The following TBX15 variants were observed in gnomAD, a reference collection of about 807,000 sequenced individuals.
TBX15 encodes the protein T-box transcription factor TBX15.
In TBX15, 18 loss-of-function variants were observed where a neutral mutation model predicts 53.9. That is an observed-to-expected ratio of 0.33 (90% CI 0.23 to 0.49). The LOEUF is 0.49. TBX15 is among the 20% of genes least tolerant of loss of function. TBX15 has a pLI of 0.98. For synonymous variants in TBX15, 295 were observed against 278.0 expected, an observed-to-expected ratio of 1.06 and a Z score of -0.61; for missense variants, 692 against 749.5, an observed-to-expected ratio of 0.92 and a Z score of 0.90.
chr1:118,932,878 T>C (rs923968031), intron 1 of TBX15, among the ~76,000 whole-genome samples: 1 of 152,162 alleles, frequency 6.6e-6, no homozygotes, highest in Non-Finnish European at 1.5e-5. Context: ...ATGCTGCAAG[T>C]CAAGCCTAAG....
intron 1 of TBX15, among the ~76,000 whole-genome samples, chr1:118,938,246 G>A (rs939976821): frequency 6.6e-6 from 1 of 152,148 alleles, no homozygotes; most frequent in African/African-American, 2.4e-5. Flanking sequence ...TGGTGTCTCT[G>A]AGCTCTCCAT....
At chr1:118,909,659 T>C (rs1654966101) in intron 6 of TBX15, among the ~76,000 whole-genome samples, 1 of 152,230 alleles carries the variant, frequency 6.6e-6, no homozygotes, top group African/African-American at 2.4e-5. Context: ...TTCGGCTCAC[T>C]GCAACCTCCA....
intron 6 of TBX15, chr1:118,901,362 C>T (rs1328645619): frequency 4.4e-6 from 2 of 456,480 alleles, no homozygotes; most frequent in East Asian, 6.9e-5. Context: ...ATTAGCCATT[C>T]ATGGGGCACA....
At chr1:118,908,944 ATG>A (rs1654934612) in intron 6 of TBX15, among the ~76,000 whole-genome samples, 2 of 147,042 alleles carry the variant, frequency 1.4e-5, no homozygotes, top group Admixed American at 6.8e-5. Context: ...ACACACACAC[ATG>A]CATGCATGCT....
chr1:118,888,903 A>G (rs1654038980), intron 7 of TBX15, among the ~76,000 whole-genome samples: 2 of 150,790 alleles, frequency 1.3e-5, no homozygotes, highest in South Asian at 4.2e-4. Flanking sequence ...AACTGGTTTC[A>G]CTACAAAAAG....
intron 1 of TBX15, among the ~76,000 whole-genome samples, chr1:118,962,948 T>C (rs990795209): frequency 1.3e-5 from 2 of 152,198 alleles, no homozygotes; most frequent in African/African-American, 4.8e-5. Context: ...TAAAACTTTC[T>C]AGAAAAGGGA....
At chr1:118,908,952 A>G (rs757026096) in intron 6 of TBX15, among the ~76,000 whole-genome samples, 10 of 152,126 alleles carry the variant, frequency 6.6e-5, no homozygotes, top group Middle Eastern at 3.4e-3. Context: ...ACATGCATGC[A>G]TGCTCCCAGT....
At chr1:118,907,416 C>T (rs1385349682) in intron 6 of TBX15, among the ~76,000 whole-genome samples, 1 of 152,164 alleles carries the variant, frequency 6.6e-6, no homozygotes, top group African/African-American at 2.4e-5. Context: ...TGGAGGAAGT[C>T]CCTGAGAATT....
At chr1:118,978,951 A>G (rs1657532023) in intron 1 of TBX15, among the ~76,000 whole-genome samples, 1 of 152,138 alleles carries the variant, frequency 6.6e-6, no homozygotes, top group Non-Finnish European at 1.5e-5. Context: ...GCCCCTCCCC[A>G]CTGTGAAAAT....
intron 1 of TBX15, among the ~76,000 whole-genome samples, chr1:118,969,556 G>A (rs1657164720): frequency 6.6e-6 from 1 of 152,160 alleles, no homozygotes; most frequent in African/African-American, 2.4e-5. Context: ...GAGTCATCTT[G>A]TACAACCCTT....
At position 118,920,034 on chromosome 1, in the gene TBX15, C is replaced by G. The variant is rs191025877; in HGVS notation, c.861+3402G>C. ...AGACTAGTACTGATTCAGACAAAAT[C>G]ATCAATTTGTAAATGAGAATACTAA... On this transcript the variant is annotated intron_variant, in intron 5 of 7. Coordinates refer to ENST00000369429, the MANE Select transcript of TBX15 (RefSeq NM_001330677.2). Among the ~76,000 whole-genome samples the G allele has an allele frequency of 2.6e-5, 4 of 152,246 alleles. No individual in the cohort carries two copies. In the East Asian group the frequency reaches 7.7e-4, roughly 29 times the overall value.
At chr1:118,963,960 C>T (rs538502203) in intron 1 of TBX15, among the ~76,000 whole-genome samples, 26 of 152,246 alleles carry the variant, frequency 1.7e-4, no homozygotes, top group Admixed American at 3.3e-4. Context: ...TGGAGAAGAA[C>T]GGTGGAGACC....
intron 1 of TBX15, 132 bp downstream of exon 1, chr1:118,987,458 GA>G: frequency 8.6e-7 from 1 of 1,157,436 alleles, no homozygotes; most frequent in Non-Finnish European, 1.2e-6. Context: ...GCATTTGCGC[GA>G]AGAAACAGAA....
intron 1 of TBX15, among the ~76,000 whole-genome samples, chr1:118,971,038 C>T (rs746620039): frequency 6.6e-6 from 1 of 152,158 alleles, no homozygotes; most frequent in Non-Finnish European, 1.5e-5. Flanking sequence ...TTTCAGATTG[C>T]TTTTTATTCT....
intron 1 of TBX15, among the ~76,000 whole-genome samples, chr1:118,970,916 A>T (rs1281979848): frequency 1.3e-5 from 2 of 152,158 alleles, no homozygotes; most frequent in Non-Finnish European, 1.5e-5. Flanking sequence ...GCCAGAAAAA[A>T]TTTCTGTCAT....
At chr1:118,959,841 C>A (rs553483632) in intron 1 of TBX15, among the ~76,000 whole-genome samples, 2 of 152,090 alleles carry the variant, frequency 1.3e-5, no homozygotes, top group Non-Finnish European at 2.9e-5. Context: ...GAGTTAGGAG[C>A]CAATTTCTCC....
intron 5 of TBX15, among the ~76,000 whole-genome samples, chr1:118,915,211 C>G: frequency 6.6e-6 from 1 of 152,162 alleles, no homozygotes; most frequent in East Asian, 1.9e-4. Flanking sequence ...AAGGCACTCC[C>G]AATGCAAGGT....
intron 1 of TBX15, among the ~76,000 whole-genome samples, chr1:118,971,410 G>A (rs1657232531): frequency 6.6e-6 from 1 of 152,162 alleles, no homozygotes; most frequent in Non-Finnish European, 1.5e-5. Flanking sequence ...TAAAGTGGCT[G>A]TAGTGGTCAC....
At chr1:118,955,862 C>A (rs899250569) in intron 1 of TBX15, among the ~76,000 whole-genome samples, 2 of 152,128 alleles carry the variant, frequency 1.3e-5, no homozygotes, top group African/African-American at 4.8e-5. Flanking sequence ...GATCGTCTAC[C>A]AAATAGTTAT....
Sources: allele counts gnomAD v4.1 joint callset (sites outside exome capture counted in the v4.1 genomes callset), GRCh38; gene constraint gnomAD v4.1.1; transcripts MANE v1.5; gene names NCBI Gene and HGNC (gene_info 2026-07-23, HGNC 2026-07-21).